Variants in GRIK2 observed in about 807,000 individuals in gnomAD.
GRIK2 encodes glutamate ionotropic receptor kainate type subunit 2, also known as glutamate receptor ionotropic, kainate 2.
GRIK2 carries 32 observed loss-of-function variants against 100.3 expected under a neutral mutation model. The ratio of observed to expected loss-of-function variants is 0.32; its 90% CI spans 0.24 to 0.43. The LOEUF is 0.43. Ranked by LOEUF, GRIK2 falls within the 20% of genes least tolerant of loss-of-function variation. GRIK2 has a pLI of 1.00. For missense variants in GRIK2, 843 were observed against 1,114.9 expected (o/e 0.76, Z 3.47); for synonymous variants, 417 against 389.4 (o/e 1.07, Z -0.83).
At chr6:101,806,458 A>G in intron 9 of GRIK2, among the ~76,000 whole-genome samples, 1 of 151,944 alleles carries the variant, frequency 6.6e-6, no homozygotes, top group East Asian at 1.9e-4. Context: ...CATTCCCTAA[A>G]CCACAGCAGC....
At chr6:101,645,179 A>G (rs1157568204) in intron 4 of GRIK2, among the ~76,000 whole-genome samples, 1 of 151,760 alleles carries the variant, frequency 6.6e-6, no homozygotes, top group East Asian at 1.9e-4. Context: ...AAAAAAAACT[A>G]AAATCAACCA....
chr6:101,827,293 A>G (rs755281939), intron 10 of GRIK2, among the ~76,000 whole-genome samples: 1 of 151,980 alleles, frequency 6.6e-6, no homozygotes, highest in Non-Finnish European at 1.5e-5. Context: ...GACTTGAGGA[A>G]GAAAGTAGAA....
At chr6:101,561,190 A>G (rs1000190787) in intron 2 of GRIK2, among the ~76,000 whole-genome samples, 38 of 152,198 alleles carry the variant, frequency 2.5e-4, no homozygotes, top group African/African-American at 9.2e-4. Context: ...TTGTCCAAAG[A>G]TGAAGGTCAA....
intron 14 of GRIK2, among the ~76,000 whole-genome samples, chr6:101,988,648 A>T (rs1230197626): frequency 6.6e-6 from 1 of 151,856 alleles, no homozygotes; most frequent in Non-Finnish European, 1.5e-5. Context: ...ATACGTGGTT[A>T]ATGGATGCCA....
chr6:101,526,586 G>A (rs1775167469), intron 2 of GRIK2, among the ~76,000 whole-genome samples: 1 of 152,144 alleles, frequency 6.6e-6, no homozygotes, highest in Non-Finnish European at 1.5e-5. Flanking sequence ...CTTCAGTTGT[G>A]TAGCTGATGA....
chr6:101,546,714 A>G (rs1776252127), intron 2 of GRIK2, among the ~76,000 whole-genome samples: 2 of 151,834 alleles, frequency 1.3e-5, no homozygotes, highest in Non-Finnish European at 2.9e-5. Flanking sequence ...TTGTTCTATA[A>G]TATTATCTCC....
intron 14 of GRIK2, among the ~76,000 whole-genome samples, chr6:102,004,785 T>G (rs1304520602): frequency 6.6e-6 from 1 of 151,972 alleles, no homozygotes; most frequent in African/African-American, 2.4e-5. Context: ...AGGAGAGAAA[T>G]GTATTTATAT....
chr6:101,903,341 GATTC>G (rs1461181104), intron 12 of GRIK2, among the ~76,000 whole-genome samples: 6 of 151,892 alleles, frequency 4.0e-5, no homozygotes, highest in African/African-American at 1.4e-4. Context: ...GTGAAGTAAT[GATTC>G]ATCACTCATG....
intron 14 of GRIK2, chr6:101,993,300 A>G (rs1429402109): frequency 2.0e-5 from 3 of 146,878 alleles, no homozygotes; most frequent in Non-Finnish European, 4.6e-5. Context: ...TCTTATTTAC[A>G]TTTTGGATAA....
At chr6:101,982,851 T>C (rs1298349397) in intron 14 of GRIK2, among the ~76,000 whole-genome samples, 3 of 151,726 alleles carry the variant, frequency 2.0e-5, no homozygotes, top group Non-Finnish European at 4.4e-5. Context: ...TGTAAGAACT[T>C]AGAGACAGCA....
intron 2 of GRIK2, among the ~76,000 whole-genome samples, chr6:101,464,889 G>C (rs1158965784): frequency 6.6e-6 from 1 of 152,078 alleles, no homozygotes; most frequent in Non-Finnish European, 1.5e-5. Flanking sequence ...CTTTTAAAGG[G>C]CTTATACCTG....
intron 2 of GRIK2, among the ~76,000 whole-genome samples, chr6:101,423,081 T>A (rs1045550211): frequency 6.6e-6 from 1 of 152,206 alleles, no homozygotes. Flanking sequence ...CAGCTGACTC[T>A]AACAATGACC....
intron 4 of GRIK2, among the ~76,000 whole-genome samples, chr6:101,633,672 A>C (rs2128321352): frequency 6.6e-6 from 1 of 152,292 alleles, no homozygotes; most frequent in East Asian, 1.9e-4. Context: ...AAATAAGATA[A>C]AATAATCAAG....
At chr6:101,954,513 C>T (rs1791793170) in intron 14 of GRIK2, among the ~76,000 whole-genome samples, 1 of 151,816 alleles carries the variant, frequency 6.6e-6, no homozygotes, top group South Asian at 2.1e-4. Context: ...TCTGATAGTT[C>T]AATTTTATAT....
chr6:101,763,722 AAT>A (rs1309577814), intron 7 of GRIK2, among the ~76,000 whole-genome samples: 2 of 152,216 alleles, frequency 1.3e-5, no homozygotes, highest in Non-Finnish European at 2.9e-5. Context: ...TGAAATTTAA[AAT>A]ATGTTAGATA....
chr6:102,018,004 T>TGGCCGGA (rs1175843475), intron 14 of GRIK2, among the ~76,000 whole-genome samples: 1 of 152,194 alleles, frequency 6.6e-6, no homozygotes, highest in Non-Finnish European at 1.5e-5. Context: ...AATTCCAAAC[T>TGGCCGGA]TACTGCCATA....
chr6:101,717,838 T>C (rs1040814866), intron 7 of GRIK2, among the ~76,000 whole-genome samples: 1 of 151,814 alleles, frequency 6.6e-6, no homozygotes, highest in Non-Finnish European at 1.5e-5. Flanking sequence ...TTTAACAAAA[T>C]GTCTGTATGT....
chr6:101,415,424 G>T, intron 2 of GRIK2, among the ~76,000 whole-genome samples: 1 of 138,066 alleles, frequency 7.2e-6, no homozygotes, highest in Admixed American at 7.9e-5. Flanking sequence ...AGGCTGGAGT[G>T]CAGTGGCGCG....
At chr6:101,850,966 GA>G (rs1784097706) in intron 10 of GRIK2, among the ~76,000 whole-genome samples, 1 of 152,080 alleles carries the variant, frequency 6.6e-6, no homozygotes, top group South Asian at 2.1e-4. Context: ...GAGCTTAAAG[GA>G]GAGTCATAAC....
Sources: allele counts gnomAD v4.1 joint callset (sites outside exome capture counted in the v4.1 genomes callset), GRCh38; gene constraint gnomAD v4.1.1; transcripts MANE v1.5; gene names NCBI Gene and HGNC (gene_info 2026-07-23, HGNC 2026-07-21).